MACROH2A2: variants seen among roughly 807,000 people sequenced by gnomAD.
MACROH2A2 encodes macroH2A.2 histone, also known as core histone macro-H2A.2.
Under a neutral mutation model 37.6 loss-of-function variants are expected in MACROH2A2, and 6 were observed. That is an observed-to-expected ratio of 0.16 (90% confidence interval 0.09 to 0.32). The LOEUF is 0.32. MACROH2A2 is among the 10% of genes least tolerant of loss of function. The probability of loss-of-function intolerance (pLI) is 1.00; values close to 1 mark genes in which losing one functional copy is unlikely to be tolerated. For synonymous variants in MACROH2A2, 192 were observed against 202.7 expected (o/e 0.95, Z 0.45); for missense variants, 290 against 485.9 (o/e 0.60, Z 3.79).
At chr10:70,093,063 G>A (rs2072255895) in intron 4 of MACROH2A2, among the ~76,000 whole-genome samples, 1 of 151,702 alleles carries the variant, frequency 6.6e-6, no homozygotes, top group Non-Finnish European at 1.5e-5. Context: ...GTACAGTAAT[G>A]CAGTGGCGAG....
intron 6 of MACROH2A2, chr10:70,099,196 T>G (rs1200971373): frequency 6.6e-6 from 1 of 152,012 alleles, no homozygotes; most frequent in Admixed American, 6.6e-5. Flanking sequence ...CCAAGAACAT[T>G]AACAAAGAAA....
chr10:70,084,040 T>C (rs1564544271), intron 2 of MACROH2A2, among the ~76,000 whole-genome samples: 1 of 152,144 alleles, frequency 6.6e-6, no homozygotes, highest in South Asian at 2.1e-4. Context: ...TGTCATATAA[T>C]ACATTTTCAA....
At chr10:70,108,354 G>A (rs952558600) in intron 7 of MACROH2A2, among the ~76,000 whole-genome samples, 1 of 152,234 alleles carries the variant, frequency 6.6e-6, no homozygotes, top group African/African-American at 2.4e-5. Flanking sequence ...TCCACAATGA[G>A]TTTTAAGAGT....
At chr10:70,109,413 C>T (rs1309136087) in intron 8 of MACROH2A2, among the ~76,000 whole-genome samples, 4 of 152,218 alleles carry the variant, frequency 2.6e-5, no homozygotes, top group Non-Finnish European at 5.9e-5. Context: ...AGGTCTTCCC[C>T]GGCTGGGGCC....
Position 70,112,046 on chromosome 10 carries a change from A to G in MACROH2A2, c.*363A>G, listed in dbSNP as rs1188490375. 6.3e-6 allele frequency: 1 copy of G among 158,306 alleles called. No homozygotes were observed. The highest frequency in any genetic ancestry group is 6.5e-5 in the Admixed American group (1 of 15,410). The allele number at this position is 158,306 out of a possible 1,614,324, so 9.8% of individuals were successfully genotyped here. A position where few individuals can be genotyped will look rare whatever the true frequency, so the allele number is the denominator to read the frequency against. ...CTCCTTTTTCCAAGGGAAGAGGGCA[A>G]AAAGTGGCCTGGGCTCTGTTGGTGT... On this transcript the variant is annotated 3_prime_UTR_variant, in exon 9 of 9. Transcript: ENST00000373255.
rs199699765 is a variant in MACROH2A2 at position 70,111,671 on chromosome 10, C to G, written c.1107C>G (p.Leu369=). 1 of 1,606,886 alleles carries G rather than the reference C, an allele frequency of 6.2e-7. No homozygotes were observed. The highest frequency in any genetic ancestry group is 8.5e-7 in the Non-Finnish European group (1 of 1,176,094). Residue 369 remains leucine, a synonymous_variant, in exon 9 of 9, where the codon CTC becomes CTG. Coordinates refer to ENST00000373255, the MANE Select transcript of MACROH2A2 (RefSeq NM_018649.3). Reference sequence around the variant, plus strand: ...TCTACGTGCAGGAGATGGCCAAGCTCGACGCCAAGTAGCCGCCGCACTTTC... The same window carrying G: ...TCTACGTGCAGGAGATGGCCAAGCTGGACGCCAAGTAGCCGCCGCACTTTC... ...IGIYVQEMAK[L]DAK
At chr10:70,102,894 A>T (rs574157001) in intron 7 of MACROH2A2, among the ~76,000 whole-genome samples, 163 of 149,654 alleles carry the variant, frequency 1.1e-3, no homozygotes, top group African/African-American at 3.9e-3. Flanking sequence ...GCCTCCATGT[A>T]GACAGAGACA....
At position 70,097,653 on chromosome 10, in the gene MACROH2A2, A is replaced by T. The variant is rs986784961; in HGVS notation, c.688+1900A>T. On this transcript the variant is annotated intron_variant, in intron 6 of 8. Transcript: ENST00000373255. The stretch of plus-strand genomic sequence containing the variant: ...TCTTACCCCCTCCACATACTTCCAG[A>T]CATCATTTTATCTATGAATATTTCA... 7.2e-5 allele frequency among the ~76,000 whole-genome samples: 11 copies of T among 152,216 alleles called. 1 individual carries two copies. The highest frequency in any genetic ancestry group is 2.7e-4 in the African/African-American group (11 of 41,458).
At position 70,081,365 on chromosome 10, in the gene MACROH2A2, CA is replaced by C. The variant is rs1427453566; in HGVS notation, c.172+5536del. ...GAGGGAGCTGTGAGCAGGAGGTTCA[CA>C]TCGGTGTGTTAAGGCAGTGGAAGTG... is the stretch of plus-strand genomic sequence containing the variant. On this transcript the variant is annotated intron_variant, in intron 2 of 8. Coordinates refer to ENST00000373255, the MANE Select transcript of MACROH2A2 (RefSeq NM_018649.3). Among the ~76,000 whole-genome samples, 12 of 152,176 alleles carry C rather than the reference CA, an allele frequency of 7.9e-5. No homozygotes were observed. The East Asian group carries it at 1.7e-3, about 22-fold the overall frequency.
In MACROH2A2 at chr10:70,078,786, GA is replaced by G. The variant is rs554458855; in HGVS notation, c.172+2958del. Among the ~76,000 whole-genome samples the G allele has an allele frequency of 2.6e-4, 40 of 152,322 alleles. 1 individual carries two copies. The highest frequency in any genetic ancestry group is 9.1e-4 in the African/African-American group (38 of 41,574). On this transcript the variant is annotated intron_variant, in intron 2 of 8. Transcript: ENST00000373255. ...TGAGACAAGGTGTTTTAATCCAAGG[GA>G]ATGAATCATATTAGTGGAATTGCAA...
At chr10:70,089,988 C>T in intron 2 of MACROH2A2, 72 bp from the exon 3 acceptor site, 1 of 927,182 alleles carries the variant, frequency 1.1e-6, no homozygotes, top group Non-Finnish European at 1.8e-6. Context: ...AACTTGAAGG[C>T]CATTTCTAAA....
At chr10:70,097,250 C>T (rs955380516) in intron 6 of MACROH2A2, among the ~76,000 whole-genome samples, 4 of 152,108 alleles carry the variant, frequency 2.6e-5, no homozygotes. Flanking sequence ...TTCTGAATTG[C>T]TTCCTAGCTG....
intron 2 of MACROH2A2, among the ~76,000 whole-genome samples, chr10:70,080,855 A>G (rs1255149163): frequency 7.6e-6 from 1 of 131,990 alleles, no homozygotes; most frequent in Non-Finnish European, 1.6e-5. Context: ...ATTGCACTCC[A>G]GCCTGGGGAA....
At chr10:70,054,708 A>G (rs759524124) in intron 1 of MACROH2A2, among the ~76,000 whole-genome samples, 3 of 152,258 alleles carry the variant, frequency 2.0e-5, no homozygotes, top group Non-Finnish European at 2.9e-5. Flanking sequence ...TAAGAGCTCC[A>G]AGATTTGGAA....
intron 2 of MACROH2A2, among the ~76,000 whole-genome samples, chr10:70,083,805 A>G (rs1002626326): frequency 2.7e-5 from 4 of 148,976 alleles, no homozygotes; most frequent in Non-Finnish European, 4.4e-5. Context: ...GACCTGAACA[A>G]GCTTGCCTCC....
At chr10:70,063,150 C>A (rs182021072) in intron 1 of MACROH2A2, among the ~76,000 whole-genome samples, 1 of 151,642 alleles carries the variant, frequency 6.6e-6, no homozygotes, top group East Asian at 1.9e-4. Flanking sequence ...TGTGGCTCAA[C>A]GTATATCAGC....
chr10:70,101,158 A>G (rs1302319664), intron 7 of MACROH2A2, among the ~76,000 whole-genome samples: 1 of 152,204 alleles, frequency 6.6e-6, no homozygotes, highest in African/African-American at 2.4e-5. Flanking sequence ...GGCGGTTGTG[A>G]AGGCCCCGAG....
intron 1 of MACROH2A2, among the ~76,000 whole-genome samples, chr10:70,064,180 C>G (rs12246185): frequency 0.1 from 15,592 of 152,202 alleles, 844 homozygotes; most frequent in African/African-American, 0.12. Flanking sequence ...ACCAGCCTGT[C>G]TAACATGGTG....
chr10:70,094,674 C>T (rs1485694544), intron 5 of MACROH2A2, among the ~76,000 whole-genome samples: 1 of 152,186 alleles, frequency 6.6e-6, no homozygotes, highest in African/African-American at 2.4e-5. Flanking sequence ...CTGGCCTGTT[C>T]ACTGTTACAT....
Sources: allele counts gnomAD v4.1 joint callset (sites outside exome capture counted in the v4.1 genomes callset), GRCh38; gene constraint gnomAD v4.1.1; transcripts MANE v1.5; gene names NCBI Gene and HGNC (gene_info 2026-07-23, HGNC 2026-07-21).